Variants in PCDHA5 observed in about 807,000 individuals in gnomAD.
PCDHA5 encodes the protein protocadherin alpha 5, also known as protocadherin alpha-5.
In PCDHA5, 43 loss-of-function variants were observed where a neutral mutation model predicts 61.6. The observed-to-expected ratio is 0.70, with a 90% CI of 0.55 to 0.90. The LOEUF is 0.90. Ranked by LOEUF, PCDHA5 falls within the 40% of genes least tolerant of loss-of-function variation. The pLI is 0.00. For synonymous variants in PCDHA5, 627 were observed against 543.9 expected, an observed-to-expected ratio of 1.15 and a Z score of -2.13; for missense variants, 1,298 against 1,222.7, an observed-to-expected ratio of 1.06 and a Z score of -0.92.
chr5:141,000,419 A>ATTTTTT (rs1563652468), intron 3 of PCDHA5, among the ~76,000 whole-genome samples: 3 of 60,996 alleles, frequency 4.9e-5, no homozygotes, highest in African/African-American at 7.6e-5. Context: ...ATATATATAT[A>ATTTTTT]TATTTTTTTT....
Position 140,927,187 on chromosome 5 carries a change from C to G in PCDHA5, c.2353-51762C>G, listed in dbSNP as rs558671063. 141 of 1,614,164 alleles carry G rather than the reference C, an allele frequency of 8.7e-5. 1 individual carries two copies. The South Asian group carries it at 1.5e-3, about 17-fold the overall frequency. The stretch of plus-strand genomic sequence containing the variant: ...AGCTGCCTGCGTCTTGACCTACGAC[C>G]TGGTGCTCGAGGACCCGCTGGAGCT... On this transcript the variant is annotated intron_variant, in intron 1 of 3. Transcript: ENST00000529859.
intron 1 of PCDHA5, among the ~76,000 whole-genome samples, chr5:140,925,210 C>G (rs1319343041): frequency 1.3e-5 from 2 of 152,122 alleles, no homozygotes; most frequent in Admixed American, 6.5e-5. Context: ...ATTATCGATA[C>G]TTTTAGGCAG....
chr5:140,890,621 A>G (rs1209531386), intron 1 of PCDHA5, among the ~76,000 whole-genome samples: 1 of 152,174 alleles, frequency 6.6e-6, no homozygotes, highest in Non-Finnish European at 1.5e-5. Context: ...TACCCTAGAA[A>G]ATTAAGCATG....
rs782684247 is a variant in PCDHA5, at chr5:140,870,024, A to T, written c.2352+45897A>T. The T allele has an allele frequency of 3.1e-6, 5 of 1,613,624 alleles. No individual in the cohort carries two copies. The Admixed American group carries it at 6.7e-5, about 22-fold the overall frequency. On this transcript the variant is annotated intron_variant, in intron 1 of 3. Coordinates refer to ENST00000529859, the MANE Select transcript of PCDHA5 (RefSeq NM_018908.3). The stretch of plus-strand genomic sequence containing the variant: ...GAGAAGTGAGGGTCAATGGAACTTT[A>T]GATTATGAAGAAAACAAGTTTTATA...
At chr5:140,850,051 C>A in intron 1 of PCDHA5, 1 of 1,596,418 alleles carries the variant, frequency 6.3e-7, no homozygotes, top group Non-Finnish European at 8.6e-7. Flanking sequence ...AAGGTGTACG[C>A]GCTGCAGCCG....
Position 140,823,239 on chromosome 5 carries a change from G to A in PCDHA5, c.1464G>A (p.Leu488=). The change falls in exon 1 of 4, where the codon CTG becomes CTA. Residue 488 remains leucine, a synonymous_variant. Transcript: ENST00000529859. Reference sequence around the variant, plus strand: ...ACGCGGACGCGCAGGAGAACGCCCTGGTGTCCTACTCGCTGGTGGAGCGGC... The same window carrying A: ...ACGCGGACGCGCAGGAGAACGCCCTAGTGTCCTACTCGCTGGTGGAGCGGC... The part of the protein sequence containing the change: ...ARDADAQENA[L]VSYSLVERRV... 1 of 1,613,536 alleles carries A rather than the reference G, an allele frequency of 6.2e-7. No homozygotes were observed. Among genetic ancestry groups the A allele is most frequent in the African/African-American group, 1.3e-5 (1 of 75,062 alleles).
At chr5:140,982,671 G>T in intron 3 of PCDHA5, 108 bp downstream of exon 3, 1 of 1,454,062 alleles carries the variant, frequency 6.9e-7, no homozygotes, top group South Asian at 1.4e-5. Context: ...TTATATTTTT[G>T]TTATTCCCTT....
intron 1 of PCDHA5, chr5:140,884,342 G>T (rs782616190): frequency 6.2e-7 from 1 of 1,613,902 alleles, no homozygotes; most frequent in Admixed American, 1.7e-5. Flanking sequence ...TCCAGAAGCG[G>T]CGCTGGTGGA....
rs1581309045 is a variant in PCDHA5, at chr5:140,853,255, T to G, written c.2352+29128T>G. On this transcript the variant is annotated intron_variant, in intron 1 of 3. Transcript: ENST00000529859. Reference sequence around the variant, plus strand: ...GTCCTTCATATTAATCTCTATTCTCTCTCAGAGTACAAGCTCTCATCATAT... The same window carrying G: ...GTCCTTCATATTAATCTCTATTCTCGCTCAGAGTACAAGCTCTCATCATAT... 7 of 974,424 alleles carry G rather than the reference T, an allele frequency of 7.2e-6. 1 individual carries two copies. Among genetic ancestry groups the G allele is most frequent in the Non-Finnish European group, 8.7e-6 (7 of 807,532 alleles). The allele number at this position is 974,424 out of a possible 1,614,324, so 60.4% of individuals were successfully genotyped here. A position where few individuals can be genotyped will look rare whatever the true frequency, so the allele number is the denominator to read the frequency against.
chr5:140,940,551 T>C (rs2092639776), intron 1 of PCDHA5, among the ~76,000 whole-genome samples: 1 of 152,214 alleles, frequency 6.6e-6, no homozygotes, highest in African/African-American at 2.4e-5. Context: ...TGGGCTCAAG[T>C]GATTCTCCTA....
rs1554151505 is a variant in PCDHA5 at position 140,858,367 on chromosome 5, C to T, written c.2352+34240C>T. 1.8e-5 allele frequency: 28 copies of T among 1,590,300 alleles called. 2 individuals carry two copies. Among genetic ancestry groups the T allele is most frequent in the Non-Finnish European group, 2.3e-5 (27 of 1,162,754 alleles). On this transcript the variant is annotated intron_variant, in intron 1 of 3. Transcript: ENST00000529859. ...CGGACCTCATGGCCTTCAGCCCCAG[C>T]CTTCCACCATGCCCAATGGTAGATG...
intron 1 of PCDHA5, among the ~76,000 whole-genome samples, chr5:140,962,286 T>C (rs1209495659): frequency 1.3e-5 from 2 of 152,224 alleles, no homozygotes; most frequent in Admixed American, 6.5e-5. Context: ...CCTCAACCTT[T>C]AATATTCTAT....
At chr5:140,915,264 G>A (rs536821921) in intron 1 of PCDHA5, among the ~76,000 whole-genome samples, 9 of 151,876 alleles carry the variant, frequency 5.9e-5, no homozygotes, top group Non-Finnish European at 1.3e-4. Context: ...TATTATTTTT[G>A]ACCAGTTCAT....
Position 140,884,627 on chromosome 5 carries a change from G to C in PCDHA5, c.2352+60500G>C, listed in dbSNP as rs140550923. On this transcript the variant is annotated intron_variant, in intron 1 of 3. Transcript: ENST00000529859. ...TTGTCTGGGTTCTGCAGAGGGAACA[G>C]GCCAGAGGGAGGAGGACTCAGAATG... The C allele has an allele frequency of 4.8e-5, 77 of 1,612,780 alleles. No individual in the cohort carries two copies. In the African/African-American group the frequency reaches 8.8e-4, roughly 18 times the overall value.
chr5:140,850,760 G>T lies in PCDHA5; in HGVS notation c.2352+26633G>T. 1.3e-6 allele frequency: 2 copies of T among 1,598,100 alleles called. 1 individual carries two copies. The highest frequency in any genetic ancestry group is 1.7e-6 in the Non-Finnish European group (2 of 1,167,646). On this transcript the variant is annotated intron_variant, in intron 1 of 3. Coordinates refer to ENST00000529859, the MANE Select transcript of PCDHA5 (RefSeq NM_018908.3). ...GTTGGTCGTACTCGCAGCAGAGGAGGCAGAGGGTGTGCTCTGGCGAGGGTA... is the reference window on the plus strand; with the variant it reads ...GTTGGTCGTACTCGCAGCAGAGGAGTCAGAGGGTGTGCTCTGGCGAGGGTA...
At chr5:140,881,235 T>C (rs2058632833) in intron 1 of PCDHA5, 1 of 352,648 alleles carries the variant, frequency 2.8e-6, no homozygotes, top group South Asian at 1.1e-4. Context: ...TTAAAGTCAA[T>C]TTAAATGACG....
chr5:140,907,631 C>T (rs1338354291), intron 1 of PCDHA5, among the ~76,000 whole-genome samples: 1 of 152,216 alleles, frequency 6.6e-6, no homozygotes, highest in African/African-American at 2.4e-5. Flanking sequence ...GTGTTGGTCT[C>T]TGCTGCTGGC....
chr5:140,987,007 A>C (rs2097221901), intron 3 of PCDHA5, among the ~76,000 whole-genome samples: 1 of 152,142 alleles, frequency 6.6e-6, no homozygotes, highest in African/African-American at 2.4e-5. Context: ...TGAGGTCATG[A>C]GTTCGAGACC....
At chr5:140,884,440 G>A in intron 1 of PCDHA5, 1 of 1,613,830 alleles carries the variant, frequency 6.2e-7, no homozygotes, top group Non-Finnish European at 8.5e-7. Flanking sequence ...TGCGGTGCTC[G>A]GCACCGCCCA....
Sources: allele counts gnomAD v4.1 joint callset (sites outside exome capture counted in the v4.1 genomes callset), GRCh38; gene constraint gnomAD v4.1.1; transcripts MANE v1.5; gene names NCBI Gene and HGNC (gene_info 2026-07-23, HGNC 2026-07-21).